The following PVT1 variants were observed in gnomAD, a reference collection of about 807,000 sequenced individuals.
The protein encoded by PVT1 is Pvt1 oncogene, also known as CXCR4/PVT1 fusion.
chr8:128,033,038 T>A (rs1461734679), intron 4 of PVT1, among the ~76,000 whole-genome samples: 1 of 152,120 alleles, frequency 6.6e-6, no homozygotes, highest in Non-Finnish European at 1.5e-5. Context: ...GCAGGTAGGG[T>A]GAAGACCTGT....
At chr8:127,914,914 C>G (rs569435893) in intron 3 of PVT1, among the ~76,000 whole-genome samples, 13 of 151,588 alleles carry the variant, frequency 8.6e-5, no homozygotes, top group Non-Finnish European at 1.5e-4. Flanking sequence ...CAACCTCCAC[C>G]TCCTGTGTTC....
intron 3 of PVT1, among the ~76,000 whole-genome samples, chr8:127,919,254 G>A (rs1816027686): frequency 2.0e-5 from 3 of 152,310 alleles, no homozygotes; most frequent in Non-Finnish European, 4.4e-5. Context: ...TTCTAACACA[G>A]CACCTTGTCA....
chr8:127,823,700 A>G (rs999940292), intron 2 of PVT1, among the ~76,000 whole-genome samples: 9 of 152,316 alleles, frequency 5.9e-5, no homozygotes, highest in Admixed American at 3.9e-4. Flanking sequence ...GGTGTGGAAC[A>G]TTTATACTCC....
chr8:127,816,152 A>C (rs1286308012), intron 2 of PVT1, among the ~76,000 whole-genome samples: 1 of 152,146 alleles, frequency 6.6e-6, no homozygotes, highest in Non-Finnish European at 1.5e-5. Context: ...GATGTCACCT[A>C]CAGGCCAGTT....
At chr8:127,994,944 C>G (rs1817088313) in intron 4 of PVT1, among the ~76,000 whole-genome samples, 1 of 152,226 alleles carries the variant, frequency 6.6e-6, no homozygotes, top group African/African-American at 2.4e-5. Context: ...TTTACTCAGT[C>G]TCCTGGTTGA....
In PVT1 at chr8:127,908,619, C is replaced by A. The variant is rs145753422; in HGVS notation, n.782+17621C>A. Among the ~76,000 whole-genome samples, 1,042 of 152,288 alleles carry A rather than the reference C, an allele frequency of 6.8e-3. 10 individuals carry two copies. The highest frequency in any genetic ancestry group is 0.024 in the African/African-American group (1,006 of 41,534). On this transcript the variant is annotated intron_variant and non_coding_transcript_variant, in intron 3 of 10. Coordinates refer to ENST00000651587, the Ensembl canonical transcript of PVT1. ...CCTCCCAAAGTGTTGGGATTACAGG[C>A]GTGAGCCACCACATCCAGCCTCCTG... is the stretch of plus-strand genomic sequence containing the variant.
At chr8:128,095,822 G>A (rs1384514630) in intron 5 of PVT1, among the ~76,000 whole-genome samples, 1 of 152,228 alleles carries the variant, frequency 6.6e-6, no homozygotes, top group Non-Finnish European at 1.5e-5. Flanking sequence ...CTTGAGGTAC[G>A]CATTCTCGAT....
At chr8:127,915,274 C>G (rs906554491) in intron 3 of PVT1, among the ~76,000 whole-genome samples, 2 of 152,026 alleles carry the variant, frequency 1.3e-5, no homozygotes, top group Non-Finnish European at 2.9e-5. Context: ...GATTTTACCT[C>G]CATTAAAACA....
At chr8:128,027,717 C>G (rs1156653191) in intron 4 of PVT1, among the ~76,000 whole-genome samples, 1 of 152,184 alleles carries the variant, frequency 6.6e-6, no homozygotes, top group Non-Finnish European at 1.5e-5. Context: ...TGTTCTGGCC[C>G]CCAGCTAGGT....
chr8:127,854,574 G>A (rs113223161), intron 2 of PVT1, among the ~76,000 whole-genome samples: 33 of 152,284 alleles, frequency 2.2e-4, no homozygotes, highest in African/African-American at 7.9e-4. Flanking sequence ...TGGATGCCAG[G>A]CATTCAGAGA....
In PVT1 at chr8:127,980,434, C is replaced by T. The variant is rs567618917; in HGVS notation, n.783-8728C>T. On this transcript the variant is annotated intron_variant and non_coding_transcript_variant, in intron 3 of 10. Transcript: ENST00000651587. ...GAAGAGGCAACCTGCATACTGGGGGCGTGACTTCCTGGACGATGGGCTCTG... is the reference window on the plus strand; with the variant it reads ...GAAGAGGCAACCTGCATACTGGGGGTGTGACTTCCTGGACGATGGGCTCTG... 1.4e-4 allele frequency among the ~76,000 whole-genome samples: 21 copies of T among 152,230 alleles called. 1 individual carries two copies. In the East Asian group the frequency reaches 3.1e-3, roughly 22 times the overall value.
In PVT1 at chr8:127,888,987, C is replaced by T. The variant is rs2129799532; in HGVS notation, n.373-1602C>T. Among the ~76,000 whole-genome samples the T allele has an allele frequency of 2.0e-5, 3 of 152,218 alleles. No individual in the cohort carries two copies. In the South Asian group the frequency reaches 6.2e-4, roughly 32 times the overall value. ...GTGGTCAAGCTCGTGGGCTTTGGAG[C>T]CAGTCTGCCAGTCCGCCTTGTTTCA... On this transcript the variant is annotated intron_variant and non_coding_transcript_variant, in intron 2 of 10. Transcript: ENST00000651587.
chr8:128,096,967 G>A (rs925538614), intron 6 of PVT1, among the ~76,000 whole-genome samples: 1 of 152,158 alleles, frequency 6.6e-6, no homozygotes, highest in East Asian at 1.9e-4. Flanking sequence ...GCCTCCCCAG[G>A]CTGGCCTAGA....
chr8:127,999,465 ATT>A (rs35695990), intron 4 of PVT1, among the ~76,000 whole-genome samples: 1,545 of 143,766 alleles, frequency 0.011, 14 homozygotes, highest in African/African-American at 0.037. Context: ...CATTTCACCC[ATT>A]TTTTTTTTTT....
intron 4 of PVT1, among the ~76,000 whole-genome samples, chr8:128,045,115 A>G (rs1353141443): frequency 6.6e-6 from 1 of 152,184 alleles, no homozygotes; most frequent in African/African-American, 2.4e-5. Context: ...TTCCCAGATA[A>G]CATATCCTAT....
chr8:127,930,024 G>A (rs1455067385), intron 3 of PVT1, among the ~76,000 whole-genome samples: 3 of 152,178 alleles, frequency 2.0e-5, no homozygotes, highest in South Asian at 2.1e-4. Context: ...TGTAGTGATA[G>A]GGCTTCAGGT....
chr8:127,883,009 GCA>G (rs1563629727), intron 2 of PVT1, among the ~76,000 whole-genome samples: 1 of 151,114 alleles, frequency 6.6e-6, no homozygotes. Context: ...GCACATACAC[GCA>G]CACACATGCC....
intron 4 of PVT1, among the ~76,000 whole-genome samples, chr8:128,060,476 TTG>T (rs1188475048): frequency 6.6e-6 from 1 of 152,214 alleles, no homozygotes; most frequent in Non-Finnish European, 1.5e-5. Context: ...TAATAAATGT[TTG>T]TGGAATAAAC....
chr8:127,892,700 C>T (rs754038637), intron 3 of PVT1, among the ~76,000 whole-genome samples: 8 of 152,046 alleles, frequency 5.3e-5, no homozygotes, highest in Non-Finnish European at 8.8e-5. Context: ...GTGTGTGTGA[C>T]GGTGAGCTGC....
Sources: gnomAD v4.1 joint callset for allele counts (sites outside exome capture counted in the v4.1 genomes callset) on GRCh38, gnomAD v4.1.1 for gene constraint, MANE v1.5 for transcripts, NCBI Gene and HGNC (gene_info 2026-07-23, HGNC 2026-07-21) for gene names.